PPM1L: variants seen among roughly 807,000 people sequenced by gnomAD.
The protein encoded by PPM1L is protein phosphatase 1L.
Under a neutral mutation model 31.4 loss-of-function variants are expected in PPM1L, and 13 were observed. The observed-to-expected ratio is 0.41, with a 90% CI of 0.27 to 0.66. PPM1L has a LOEUF of 0.66. Ranked by LOEUF, PPM1L falls within the 30% of genes least tolerant of loss-of-function variation. The pLI is 0.29. For synonymous variants in PPM1L, 184 were observed against 175.4 expected (o/e 1.05, Z -0.39); for missense variants, 326 against 453.7 (o/e 0.72, Z 2.56).
At chr3:161,014,471 G>A (rs1718011117) in intron 2 of PPM1L, among the ~76,000 whole-genome samples, 1 of 128,612 alleles carries the variant, frequency 7.8e-6, no homozygotes, top group East Asian at 2.9e-4. Context: ...TTTCAAGTCA[G>A]GATTTTTTTT....
At chr3:160,808,771 G>T (rs1366697706) in intron 1 of PPM1L, among the ~76,000 whole-genome samples, 1 of 152,186 alleles carries the variant, frequency 6.6e-6, no homozygotes, top group Non-Finnish European at 1.5e-5. Flanking sequence ...CACTCAGCTG[G>T]ATCTCTCTTC....
intron 2 of PPM1L, among the ~76,000 whole-genome samples, chr3:161,006,962 G>A (rs1029120578): frequency 7.6e-4 from 116 of 152,282 alleles, no homozygotes; most frequent in Non-Finnish European, 8.7e-4. Flanking sequence ...GATTATAGGC[G>A]TGAGCCACCG....
At chr3:160,973,579 T>C (rs1716427307) in intron 2 of PPM1L, among the ~76,000 whole-genome samples, 1 of 152,186 alleles carries the variant, frequency 6.6e-6, no homozygotes. Flanking sequence ...TGTATTGTGA[T>C]GGTCCATTTG....
intron 2 of PPM1L, among the ~76,000 whole-genome samples, chr3:161,005,399 G>T (rs1328339431): frequency 6.6e-6 from 1 of 152,166 alleles, no homozygotes; most frequent in Non-Finnish European, 1.5e-5. Flanking sequence ...AATTAACTAT[G>T]ATCTCATAAA....
intron 1 of PPM1L, among the ~76,000 whole-genome samples, chr3:160,866,173 T>G (rs552468108): frequency 1.3e-5 from 2 of 152,314 alleles, no homozygotes; most frequent in African/African-American, 4.8e-5. Flanking sequence ...TGGCTAATGC[T>G]CTTCTGAATT....
intron 2 of PPM1L, among the ~76,000 whole-genome samples, chr3:160,976,835 C>T (rs1180864744): frequency 6.6e-6 from 1 of 152,114 alleles, no homozygotes; most frequent in Non-Finnish European, 1.5e-5. Flanking sequence ...CTCCTGGATT[C>T]ATTAATTTTT....
intron 1 of PPM1L, among the ~76,000 whole-genome samples, chr3:160,899,235 G>A (rs1393580763): frequency 1.3e-5 from 2 of 152,072 alleles, no homozygotes; most frequent in Admixed American, 1.3e-4. Context: ...ATGCTCTTAC[G>A]ATTAGAGAAC....
intron 2 of PPM1L, among the ~76,000 whole-genome samples, chr3:160,993,943 CT>C (rs530586937): frequency 3.3e-5 from 5 of 150,576 alleles, no homozygotes; most frequent in South Asian, 2.1e-4. Flanking sequence ...CATTTTTCCT[CT>C]TTTTTTTTCA....
intron 1 of PPM1L, among the ~76,000 whole-genome samples, chr3:160,927,274 G>A (rs1374288279): frequency 2.0e-5 from 3 of 152,172 alleles, no homozygotes; most frequent in African/African-American, 7.2e-5. Context: ...AAGTACAGCT[G>A]GAAAAGCAAA....
chr3:160,894,062 A>C (rs2108048412), intron 1 of PPM1L, among the ~76,000 whole-genome samples: 1 of 152,278 alleles, frequency 6.6e-6, no homozygotes, highest in South Asian at 2.1e-4. Flanking sequence ...TAGGTTAGGT[A>C]TATTAAATAC....
At chr3:160,895,445 T>A (rs940770588) in intron 1 of PPM1L, among the ~76,000 whole-genome samples, 2 of 152,164 alleles carry the variant, frequency 1.3e-5, no homozygotes, top group African/African-American at 4.8e-5. Flanking sequence ...CTCAAACTCC[T>A]GGCTTCAAGC....
chr3:161,056,314 G>A (rs1719411631), intron 2 of PPM1L, among the ~76,000 whole-genome samples: 1 of 152,140 alleles, frequency 6.6e-6, no homozygotes, highest in African/African-American at 2.4e-5. Flanking sequence ...AAAGGCTGCT[G>A]TCATCATTGT....
chr3:160,774,954 T>C (rs1256523702), intron 1 of PPM1L, among the ~76,000 whole-genome samples: 1 of 152,226 alleles, frequency 6.6e-6, no homozygotes, highest in East Asian at 1.9e-4. Context: ...CTAAAAATAA[T>C]GATGTCTAAC....
intron 1 of PPM1L, among the ~76,000 whole-genome samples, chr3:160,823,738 C>T (rs947717693): frequency 2.0e-5 from 3 of 152,050 alleles, no homozygotes; most frequent in East Asian, 1.9e-4. Flanking sequence ...ATGAAGCAAG[C>T]GTATTGGTAT....
At chr3:160,799,960 G>A (rs780674178) in intron 1 of PPM1L, among the ~76,000 whole-genome samples, 55 of 152,000 alleles carry the variant, frequency 3.6e-4, no homozygotes, top group Non-Finnish European at 5.1e-4. Context: ...GGGACTTTTT[G>A]TTAATTGCTG....
chr3:160,907,107 A>G (rs969696762), intron 1 of PPM1L, among the ~76,000 whole-genome samples: 1 of 152,212 alleles, frequency 6.6e-6, no homozygotes, highest in Admixed American at 6.5e-5. Flanking sequence ...GCTTACCATT[A>G]TATGTGTTTT....
intron 2 of PPM1L, among the ~76,000 whole-genome samples, chr3:161,040,791 A>G (rs1718884821): frequency 6.6e-6 from 1 of 152,136 alleles, no homozygotes; most frequent in African/African-American, 2.4e-5. Context: ...ATTTAACCCT[A>G]TATATTGTGA....
intron 1 of PPM1L, among the ~76,000 whole-genome samples, chr3:160,939,088 T>G (rs753518317): frequency 4.6e-5 from 7 of 152,226 alleles, no homozygotes; most frequent in Non-Finnish European, 5.9e-5. Context: ...ATTTATGCAC[T>G]TAGCGTAGTG....
chr3:161,078,607 A>G lies in PPM1L; in HGVS notation c.*9450A>G, dbSNP rs906695791. 7 of 152,228 alleles carry G rather than the reference A, an allele frequency of 4.6e-5. No individual in the cohort carries two copies. The highest frequency in any genetic ancestry group is 4.6e-4 in the Admixed American group (7 of 15,288). 9.4% of individuals were successfully genotyped at this position (152,228 alleles called of 1,614,324 possible). The stretch of plus-strand genomic sequence containing the variant: ...TTACTCTTGGAAGTCTTCAGAGGTT[A>G]TTATACCTACTGATCTGTATTTGTC... On this transcript the variant is annotated 3_prime_UTR_variant, in exon 4 of 4. Coordinates refer to ENST00000498165, the MANE Select transcript of PPM1L (RefSeq NM_139245.4).
Sources: gnomAD v4.1 joint callset for allele counts (sites outside exome capture counted in the v4.1 genomes callset) on GRCh38, gnomAD v4.1.1 for gene constraint, MANE v1.5 for transcripts, NCBI Gene and HGNC (gene_info 2026-07-23, HGNC 2026-07-21) for gene names.